The following RAB3IL1 variants were observed in gnomAD, a reference collection of about 807,000 sequenced individuals.
RAB3IL1 encodes the protein guanine nucleotide exchange factor for Rab-3A.
RAB3IL1 carries 37 observed loss-of-function variants against 49.2 expected under a neutral mutation model. The observed-to-expected ratio is 0.75, with a 90% confidence interval of 0.58 to 0.99. The LOEUF is 0.99. Ranked by LOEUF, RAB3IL1 falls within the 50% of genes least tolerant of loss-of-function variation. RAB3IL1 has a pLI of 0.00. For synonymous variants in RAB3IL1, 193 were observed against 213.9 expected (o/e 0.90, Z 0.85); for missense variants, 484 against 513.0 (o/e 0.94, Z 0.55).
At chr11:61,909,974 T>G (rs1376889372) in intron 1 of RAB3IL1, among the ~76,000 whole-genome samples, 1 of 152,196 alleles carries the variant, frequency 6.6e-6, no homozygotes, top group Non-Finnish European at 1.5e-5. Context: ...GGGCCAAGAT[T>G]GTGCCACTGC....
chr11:61,903,683 C>T (rs1261297148), intron 7 of RAB3IL1, among the ~76,000 whole-genome samples: 1 of 152,112 alleles, frequency 6.6e-6, no homozygotes, highest in Non-Finnish European at 1.5e-5. Flanking sequence ...GCCACCACAC[C>T]CGGCTAACTT....
chr11:61,923,310 G>A (rs1044894966), upstream of RAB3IL1, among the ~76,000 whole-genome samples: 2 of 152,216 alleles, frequency 1.3e-5, no homozygotes, highest in Non-Finnish European at 2.9e-5. Flanking sequence ...ACAGCAAGAA[G>A]CAGCCAGGTC....
chr11:61,904,688 G>A (rs1437113905), intron 6 of RAB3IL1, 30 bp from the exon 7 acceptor site: 1 of 1,598,312 alleles, frequency 6.3e-7, no homozygotes, highest in Non-Finnish European at 8.5e-7. Flanking sequence ...CAGGCAGGGT[G>A]GTAAGGGGCT....
chr11:61,934,426 A>ATG, the RAB3IL1 span, among the ~76,000 whole-genome samples: 4,960 of 36,030 alleles, frequency 0.14, 252 homozygotes, highest in Non-Finnish European at 0.18. Flanking sequence ...ATATATGTGT[A>ATG]TGTGTGTGTG....
chr11:61,945,733 G>A, the RAB3IL1 span: 2 of 981,360 alleles, frequency 2.0e-6, no homozygotes, highest in Non-Finnish European at 2.4e-6. Context: ...AGCTGGAGGG[G>A]TGGGGGTGGG....
At chr11:61,923,398 C>CT (rs992312909), upstream of RAB3IL1, among the ~76,000 whole-genome samples, 8 of 152,178 alleles carry the variant, frequency 5.3e-5, no homozygotes, top group East Asian at 1.3e-3. Flanking sequence ...CCTGCCTGCC[C>CT]TTCCCCTGCC....
chr11:61,899,181 C>T (rs967925044), intron 9 of RAB3IL1, 133 bp downstream of exon 9: 4 of 1,048,348 alleles, frequency 3.8e-6, no homozygotes, highest in Non-Finnish European at 5.5e-6. Context: ...TTTACTAAAC[C>T]ACAACCCTCC....
the RAB3IL1 span, among the ~76,000 whole-genome samples, chr11:61,941,933 A>G: frequency 6.6e-6 from 1 of 152,124 alleles, no homozygotes; most frequent in Non-Finnish European, 1.5e-5. Flanking sequence ...TGTAAAGGCC[A>G]GGCATGGTGG....
intron 4 of RAB3IL1, 85 bp downstream of exon 4, chr11:61,907,308 C>A: frequency 7.0e-7 from 1 of 1,437,158 alleles, no homozygotes; most frequent in Non-Finnish European, 9.6e-7. Context: ...TGAGCGTCCA[C>A]TCGGGCAGCA....
chr11:61,926,954 G>A, the RAB3IL1 span, among the ~76,000 whole-genome samples: 1 of 152,064 alleles, frequency 6.6e-6, no homozygotes, highest in East Asian at 1.9e-4. Context: ...AGGTTCAAGC[G>A]ATTCTCCTGC....
chr11:61,926,104 C>CAAAAAAAAAAAAAAAA, the RAB3IL1 span, among the ~76,000 whole-genome samples: 6 of 64,046 alleles, frequency 9.4e-5, no homozygotes, highest in African/African-American at 1.2e-4. Flanking sequence ...TCCTTCCTGC[C>CAAAAAAAAAAAAAAAA]AAAAAAAAAA....
chr11:61,917,895 C>A (rs1285410917), upstream of RAB3IL1, among the ~76,000 whole-genome samples: 1 of 152,204 alleles, frequency 6.6e-6, no homozygotes, highest in African/African-American at 2.4e-5. Context: ...ACACCCTCCC[C>A]CCTCCTCACC....
the RAB3IL1 span, among the ~76,000 whole-genome samples, chr11:61,944,564 G>A: frequency 3.9e-5 from 6 of 152,186 alleles, no homozygotes; most frequent in East Asian, 1.2e-3. Flanking sequence ...AAAGCAGAGG[G>A]ACCACAGAAA....
upstream of RAB3IL1, chr11:61,917,725 A>C: frequency 1.7e-4 from 41 of 242,316 alleles, no homozygotes; most frequent in Non-Finnish European, 2.6e-4. Context: ...GGCCCCCAAC[A>C]TCCCGCGGGC....
chr11:61,903,627 A>G (rs1044822200), intron 7 of RAB3IL1, among the ~76,000 whole-genome samples: 13 of 151,768 alleles, frequency 8.6e-5, no homozygotes, highest in Non-Finnish European at 1.8e-4. Flanking sequence ...AGGCTCAAGC[A>G]ATTCTCCTGA....
Position 61,897,758 on chromosome 11 carries a change from C to G in RAB3IL1, c.*520G>C, listed in dbSNP as rs1223283505. The G allele has an allele frequency of 6.5e-6, 1 of 154,996 alleles. No homozygotes were observed. Among genetic ancestry groups the G allele is most frequent in the Admixed American group, 6.4e-5 (1 of 15,700 alleles). The allele number at this position is 154,996 out of a possible 1,614,324, so 9.6% of individuals were successfully genotyped here. ...TTCTGTGCTATGGAGGCCCTGCCAGCCCCTCCTAGTAGTCCAATAGGGAGG... is the reference window on the plus strand; with the variant it reads ...TTCTGTGCTATGGAGGCCCTGCCAGGCCCTCCTAGTAGTCCAATAGGGAGG... On this transcript the variant is annotated 3_prime_UTR_variant, in exon 10 of 10. Transcript: ENST00000394836.
Position 61,907,348 on chromosome 11 carries a change from G to A in RAB3IL1, c.438+45C>T. 4 of 1,583,188 alleles carry A rather than the reference G, an allele frequency of 2.5e-6. No individual in the cohort carries two copies. The South Asian group carries it at 3.3e-5, about 13-fold the overall frequency. Reference sequence around the variant, plus strand: ...TCAGTGCTCGCTGAGCCGGGAGGCAGGGGGGGTGCCTGGGCTGGCCTGGGC... The same window carrying A: ...TCAGTGCTCGCTGAGCCGGGAGGCAAGGGGGGTGCCTGGGCTGGCCTGGGC... On this transcript the variant is annotated intron_variant, in intron 4 of 9. Coordinates refer to ENST00000394836, the MANE Select transcript of RAB3IL1 (RefSeq NM_013401.4).
rs1380208535 is a variant in RAB3IL1, at chr11:61,904,673, G to A, written c.787-15C>T. On this transcript the variant is annotated splice_polypyrimidine_tract_variant and intron_variant, in intron 6 of 9. Transcript: ENST00000394836. The stretch of plus-strand genomic sequence containing the variant: ...AGCACCGAGAGCTGTGGCAGACCAG[G>A]GAGGCAGGCAGGGTGGTAAGGGGCT... 4 of 1,605,956 alleles carry A rather than the reference G, an allele frequency of 2.5e-6. No homozygotes were observed. Among genetic ancestry groups the A allele is most frequent in the Non-Finnish European group, 3.4e-6 (4 of 1,176,056 alleles).
chr11:61,899,732 T>TG, intron 8 of RAB3IL1: 1 of 266,578 alleles, frequency 3.8e-6, no homozygotes, highest in Non-Finnish European at 7.5e-6. Flanking sequence ...AGCTGTGAGA[T>TG]GAACCGGGCA....
Sources: gnomAD v4.1 joint callset for allele counts (sites outside exome capture counted in the v4.1 genomes callset) on GRCh38, gnomAD v4.1.1 for gene constraint, MANE v1.5 for transcripts, NCBI Gene and HGNC (gene_info 2026-07-23, HGNC 2026-07-21) for gene names.